Variants in UQCRH observed in about 807,000 individuals in gnomAD.
The protein encoded by UQCRH is cytochrome b-c1 complex subunit 6, mitochondrial.
In UQCRH, 14 loss-of-function variants were observed where a neutral mutation model predicts 16.3. The ratio of observed to expected loss-of-function variants is 0.86; its 90% CI spans 0.57 to 1.34. The LOEUF (loss-of-function observed/expected upper bound fraction) is 1.34, where lower values mean the gene tolerates loss of function less well. Among genes scored for constraint, UQCRH ranks in the 40% most tolerant of loss-of-function variants. UQCRH has a pLI of 0.00. For synonymous variants in UQCRH, 41 were observed against 41.9 expected, an observed-to-expected ratio of 0.98 and a Z score of 0.08; for missense variants, 89 against 111.9, an observed-to-expected ratio of 0.80 and a Z score of 0.92.
At chr1:46,304,646 A>G (rs916484866) in intron 1 of UQCRH, among the ~76,000 whole-genome samples, 6 of 152,080 alleles carry the variant, frequency 3.9e-5, no homozygotes, top group African/African-American at 1.4e-4. Context: ...CGGCCTCCCA[A>G]AGTCCTGGGA....
intron 3 of UQCRH, among the ~76,000 whole-genome samples, chr1:46,311,017 G>A (rs963084496): frequency 3.3e-5 from 5 of 149,872 alleles, no homozygotes; most frequent in African/African-American, 1.2e-4. Flanking sequence ...GCAGTGAGCC[G>A]AGATTGCGCC....
intron 3 of UQCRH, among the ~76,000 whole-genome samples, chr1:46,314,673 CAAAA>C (rs200199978): frequency 8.5e-5 from 5 of 59,058 alleles, no homozygotes; most frequent in Admixed American, 1.9e-4. Context: ...AACTCCGTCT[CAAAA>C]AAAAAAAAAA....
intron 1 of UQCRH, among the ~76,000 whole-genome samples, chr1:46,305,671 A>T (rs1378143775): frequency 6.6e-6 from 1 of 152,046 alleles, no homozygotes; most frequent in Non-Finnish European, 1.5e-5. Flanking sequence ...GAATGGCGTC[A>T]ACCCGAGAGG....
chr1:46,315,716 A>G (rs1175495440), intron 3 of UQCRH, among the ~76,000 whole-genome samples: 1 of 152,190 alleles, frequency 6.6e-6, no homozygotes, highest in Non-Finnish European at 1.5e-5. Flanking sequence ...CAACCTGGAT[A>G]AACCTTGCAA....
At chr1:46,312,542 TGCCTG>T (rs548142953) in intron 3 of UQCRH, among the ~76,000 whole-genome samples, 2 of 151,466 alleles carry the variant, frequency 1.3e-5, no homozygotes, top group Middle Eastern at 3.2e-3. Flanking sequence ...TGAGATACCA[TGCCTG>T]GCCTCAAGGG....
intron 3 of UQCRH, among the ~76,000 whole-genome samples, chr1:46,312,548 G>A (rs914686578): frequency 7.9e-5 from 12 of 151,878 alleles, no homozygotes; most frequent in African/African-American, 2.7e-4. Flanking sequence ...ACCATGCCTG[G>A]CCTCAAGGGG....
intron 3 of UQCRH, among the ~76,000 whole-genome samples, chr1:46,314,380 AAG>A (rs1435113142): frequency 4.6e-5 from 7 of 151,104 alleles, no homozygotes; most frequent in African/African-American, 1.5e-4. Flanking sequence ...AAAAAAAAAA[AAG>A]AGAAGGGGCT....
intron 3 of UQCRH, 99 bp from the exon 4 acceptor site, chr1:46,316,453 G>T (rs1395077713): frequency 1.3e-6 from 2 of 1,516,894 alleles, no homozygotes; most frequent in East Asian, 4.6e-5. Flanking sequence ...AAGGGGAGTG[G>T]TGAGAAGAGG....
At chr1:46,316,339 G>A (rs915323482) in intron 3 of UQCRH, among the ~76,000 whole-genome samples, 1 of 152,158 alleles carries the variant, frequency 6.6e-6, no homozygotes, top group African/African-American at 2.4e-5. Flanking sequence ...TTTAGAGAAG[G>A]CTTGCAGGAA....
chr1:46,310,086 C>T (rs1661439261), intron 2 of UQCRH, 69 bp from the exon 3 acceptor site: 1 of 1,603,168 alleles, frequency 6.2e-7, no homozygotes, highest in Non-Finnish European at 8.5e-7. Context: ...TTGTGTTAAT[C>T]AAAGCATATG....
chr1:46,309,562 C>G (rs1460130478), intron 2 of UQCRH: 1 of 181,596 alleles, frequency 5.5e-6, no homozygotes, highest in Non-Finnish European at 1.1e-5. Context: ...CCCAGCTACT[C>G]GAGAGGCTGA....
chr1:46,316,089 A>G (rs906696184), intron 3 of UQCRH, among the ~76,000 whole-genome samples: 1 of 152,074 alleles, frequency 6.6e-6, no homozygotes, highest in African/African-American at 2.4e-5. Flanking sequence ...TTTTCCTCCT[A>G]GCATTTCCCA....
intron 1 of UQCRH, 149 bp from the exon 2 acceptor site, chr1:46,308,952 C>T: frequency 1.0e-6 from 1 of 973,464 alleles, no homozygotes; most frequent in Non-Finnish European, 1.5e-6. Flanking sequence ...TTAGCAAGGC[C>T]TCTAAAATGT....
At chr1:46,313,534 CT>C (rs956686089) in intron 3 of UQCRH, among the ~76,000 whole-genome samples, 78 of 152,104 alleles carry the variant, frequency 5.1e-4, no homozygotes, top group African/African-American at 1.8e-3. Flanking sequence ...GAGGCTGAGG[CT>C]GGAGAATGGC....
intron 1 of UQCRH, among the ~76,000 whole-genome samples, chr1:46,304,323 G>C (rs972863119): frequency 1.3e-5 from 2 of 152,140 alleles, no homozygotes; most frequent in Non-Finnish European, 2.9e-5. Flanking sequence ...CTCTTTCCCA[G>C]AGAAAGAGTG....
At chr1:46,311,339 G>A (rs1273916269) in intron 3 of UQCRH, among the ~76,000 whole-genome samples, 1 of 150,362 alleles carries the variant, frequency 6.7e-6, no homozygotes, top group Non-Finnish European at 1.5e-5. Context: ...AGGCGGAGGC[G>A]GAGGCGGAGG....
intron 3 of UQCRH, among the ~76,000 whole-genome samples, chr1:46,311,384 C>G (rs960647254): frequency 1.3e-5 from 2 of 150,932 alleles, no homozygotes; most frequent in Middle Eastern, 3.4e-3. Context: ...TTGAGACCAT[C>G]TTGGCTAACA....
At chr1:46,310,116 A>G (rs1187306468) in intron 2 of UQCRH, 39 bp from the exon 3 acceptor site, 1 of 1,613,878 alleles carries the variant, frequency 6.2e-7, no homozygotes, top group South Asian at 1.1e-5. Flanking sequence ...GGTCTCTGCT[A>G]AAAATGCCCA....
intron 3 of UQCRH, among the ~76,000 whole-genome samples, chr1:46,310,956 A>C (rs964519940): frequency 4.0e-5 from 6 of 151,324 alleles, no homozygotes; most frequent in Non-Finnish European, 1.5e-5. Flanking sequence ...AGTCCCAGCT[A>C]CTCGGGAGGC....
Sources: gnomAD v4.1 joint callset for allele counts (sites outside exome capture counted in the v4.1 genomes callset) on GRCh38, gnomAD v4.1.1 for gene constraint, MANE v1.5 for transcripts, NCBI Gene and HGNC (gene_info 2026-07-23, HGNC 2026-07-21) for gene names.